The following HIPK2 variants were observed in gnomAD, a reference collection of about 807,000 sequenced individuals.
HIPK2 encodes the protein homeodomain-interacting protein kinase 2.
HIPK2 carries 27 observed loss-of-function variants against 113.7 expected under a neutral mutation model. The ratio of observed to expected loss-of-function variants is 0.24; its 90% confidence interval spans 0.17 to 0.33. The LOEUF (loss-of-function observed/expected upper bound fraction) is 0.33, where lower values mean the gene tolerates loss of function less well. Among genes scored for constraint, HIPK2 ranks in the 10% least tolerant of loss-of-function variants. The pLI, the probability that HIPK2 is intolerant of heterozygous loss-of-function variation, is 1.00. For missense variants in HIPK2, 1,257 were observed against 1,588.0 expected, an observed-to-expected ratio of 0.79 and a Z score of 3.54; for synonymous variants, 631 against 642.2, an observed-to-expected ratio of 0.98 and a Z score of 0.26.
At chr7:139,724,528 C>CT (rs1002336723) in intron 1 of HIPK2, among the ~76,000 whole-genome samples, 82 of 151,456 alleles carry the variant, frequency 5.4e-4, no homozygotes, top group Middle Eastern at 6.8e-3. Flanking sequence ...CTACAGAATT[C>CT]TTTTTTTTTA....
chr7:139,566,103 T>C lies in HIPK2; in HGVS notation c.*6824A>G, dbSNP rs1798083672. 1.3e-5 allele frequency: 2 copies of C among 152,206 alleles called. No homozygotes were observed. Among genetic ancestry groups the C allele is most frequent in the African/African-American group, 4.8e-5 (2 of 41,450 alleles). The allele number at this position is 152,206 out of a possible 1,614,324, so 9.4% of individuals were successfully genotyped here. A position where few individuals can be genotyped will look rare whatever the true frequency, so the allele number is the denominator to read the frequency against. The stretch of plus-strand genomic sequence containing the variant: ...ACTCTCCAGAGATTTTCTCTAAAAA[T>C]CAAACGAATTCTGCCCCTTTTGCCT... On this transcript the variant is annotated 3_prime_UTR_variant, in exon 15 of 15. Coordinates refer to ENST00000406875, the MANE Select transcript of HIPK2 (RefSeq NM_022740.5). The surrounding 1 kb of genome is among the most constrained non-coding windows in gnomAD (Gnocchi z 4.1).
intron 1 of HIPK2, among the ~76,000 whole-genome samples, chr7:139,754,111 T>C (rs1195100635): frequency 2.0e-5 from 3 of 152,188 alleles, no homozygotes; most frequent in African/African-American, 7.2e-5. Context: ...GGGACAGTCC[T>C]GCTTCTTTCC....
At chr7:139,734,033 C>A (rs1449346717) in intron 1 of HIPK2, among the ~76,000 whole-genome samples, 1 of 152,226 alleles carries the variant, frequency 6.6e-6, no homozygotes, top group Non-Finnish European at 1.5e-5. Context: ...CTAACCAGTG[C>A]TGGAATATTC....
At chr7:139,663,018 C>T (rs767574257) in intron 2 of HIPK2, among the ~76,000 whole-genome samples, 2 of 152,220 alleles carry the variant, frequency 1.3e-5, no homozygotes, top group African/African-American at 2.4e-5. Flanking sequence ...TCAGACCCCA[C>T]CTTCCCACTG....
intron 13 of HIPK2, among the ~76,000 whole-genome samples, chr7:139,578,796 G>A (rs1009999749): frequency 2.6e-5 from 4 of 152,088 alleles, no homozygotes; most frequent in African/African-American, 7.2e-5. Context: ...TCAGCCTTCC[G>A]AGTAGCTGGG....
At chr7:139,730,171 T>G (rs1795727722) in intron 1 of HIPK2, among the ~76,000 whole-genome samples, 1 of 152,206 alleles carries the variant, frequency 6.6e-6, no homozygotes, top group Non-Finnish European at 1.5e-5. Flanking sequence ...TGGTACTATG[T>G]TGGTAAAGTA....
At chr7:139,766,874 G>A (rs1460710393) in intron 1 of HIPK2, among the ~76,000 whole-genome samples, 1 of 152,162 alleles carries the variant, frequency 6.6e-6, no homozygotes, top group African/African-American at 2.4e-5. Flanking sequence ...AGACCAAACT[G>A]GATGAACTAC....
Position 139,596,705 on chromosome 7 carries a change from G to GCA in HIPK2, c.2717+10_2717+11dup. 1 of 1,606,628 alleles carries GCA rather than the reference G, an allele frequency of 6.2e-7. No individual in the cohort carries two copies. Among genetic ancestry groups the GCA allele is most frequent in the Non-Finnish European group, 8.5e-7 (1 of 1,173,718 alleles). On this transcript the variant is annotated intron_variant, in intron 12 of 14. Coordinates refer to ENST00000406875, the MANE Select transcript of HIPK2 (RefSeq NM_022740.5). ...GGCTCCTTCCTGGAAGGCTAAGGTG[G>GCA]CACTGCCTCACCTGGTGGGGGCGTG...
intron 2 of HIPK2, among the ~76,000 whole-genome samples, chr7:139,711,852 A>T (rs1048667868): frequency 9.9e-5 from 15 of 152,270 alleles, no homozygotes; most frequent in Non-Finnish European, 2.2e-4. Context: ...AGCAAGGATT[A>T]CCTGCAACTC....
chr7:139,684,695 C>T (rs760008296), intron 2 of HIPK2, among the ~76,000 whole-genome samples: 2 of 152,112 alleles, frequency 1.3e-5, no homozygotes, highest in African/African-American at 2.4e-5. Flanking sequence ...CCAGCCTGGA[C>T]AACAGAGAGA....
At chr7:139,748,458 C>T (rs559377308) in intron 1 of HIPK2, among the ~76,000 whole-genome samples, 3 of 151,922 alleles carry the variant, frequency 2.0e-5, no homozygotes, top group East Asian at 3.8e-4. Flanking sequence ...TCGACAGGGC[C>T]GGCTCCCTCC....
At chr7:139,573,613 G>A (rs1798387486) in intron 14 of HIPK2, among the ~76,000 whole-genome samples, 1 of 152,130 alleles carries the variant, frequency 6.6e-6, no homozygotes, top group Non-Finnish European at 1.5e-5. Flanking sequence ...AGGCAGAGGT[G>A]GGCGGATCAC....
rs1245524110 is a variant in HIPK2, at chr7:139,734,943, G to A, written c.20-17928C>T. On this transcript the variant is annotated intron_variant, in intron 1 of 14. Transcript: ENST00000406875. ...CAGGATTTGACAAGCCGTATGATTT[G>A]TGACTCCAAAATGACGTAAAATGTA... Among the ~76,000 whole-genome samples the A allele has an allele frequency of 2.6e-5, 4 of 152,176 alleles. No individual in the cohort carries two copies. In the East Asian group the frequency reaches 7.7e-4, roughly 29 times the overall value.
At chr7:139,773,249 G>A (rs769249885) in intron 1 of HIPK2, among the ~76,000 whole-genome samples, 2 of 152,194 alleles carry the variant, frequency 1.3e-5, no homozygotes, top group South Asian at 2.1e-4. Flanking sequence ...AGTGATCACC[G>A]TGACCCTCAA....
At chr7:139,671,280 G>C (rs549697143) in intron 2 of HIPK2, among the ~76,000 whole-genome samples, 2 of 152,182 alleles carry the variant, frequency 1.3e-5, no homozygotes, top group Admixed American at 6.5e-5. Context: ...AGATTCTAAA[G>C]GTAAAAAGTA....
chr7:139,621,925 GAAAAAA>G (rs34446527), intron 6 of HIPK2, among the ~76,000 whole-genome samples: 1 of 75,586 alleles, frequency 1.3e-5, no homozygotes, highest in Non-Finnish European at 2.9e-5. Context: ...CCTGTCTCAG[GAAAAAA>G]AAAAAAAAAA....
chr7:139,766,697 C>T (rs1188613215), intron 1 of HIPK2, among the ~76,000 whole-genome samples: 1 of 152,242 alleles, frequency 6.6e-6, no homozygotes, highest in Non-Finnish European at 1.5e-5. Context: ...CAAACTCTGG[C>T]TCTACCAATT....
chr7:139,636,561 A>T (rs979080098), intron 2 of HIPK2, among the ~76,000 whole-genome samples: 2 of 152,122 alleles, frequency 1.3e-5, no homozygotes, highest in African/African-American at 2.4e-5. Context: ...CTGACACAGC[A>T]GCAAGATGGT....
At chr7:139,590,681 T>C (rs1798987828) in intron 12 of HIPK2, among the ~76,000 whole-genome samples, 1 of 152,190 alleles carries the variant, frequency 6.6e-6, no homozygotes, top group Non-Finnish European at 1.5e-5. Flanking sequence ...GGCAAGATGA[T>C]GTGGTAAAGA....
Sources: allele counts gnomAD v4.1 joint callset (sites outside exome capture counted in the v4.1 genomes callset), GRCh38; gene constraint gnomAD v4.1.1; non-coding constraint Gnocchi (gnomAD v3.1); transcripts MANE v1.5; gene names NCBI Gene and HGNC (gene_info 2026-07-23, HGNC 2026-07-21).